Variants in GPD2 observed in about 807,000 individuals in gnomAD.
The protein encoded by GPD2 is glycerol-3-phosphate dehydrogenase 2.
GPD2 carries 54 observed loss-of-function variants against 82.4 expected under a neutral mutation model. That is an observed-to-expected ratio of 0.66 (90% CI 0.53 to 0.82). GPD2 has a LOEUF of 0.82. Among genes scored for constraint, GPD2 ranks in the 40% least tolerant of loss-of-function variants. GPD2 has a pLI of 0.00. For synonymous variants in GPD2, 288 were observed against 306.1 expected, an observed-to-expected ratio of 0.94 and a Z score of 0.62; for missense variants, 748 against 896.2, an observed-to-expected ratio of 0.83 and a Z score of 2.11.
At chr2:156,517,346 AAAAC>A (rs1476962644) in intron 6 of GPD2, among the ~76,000 whole-genome samples, 1 of 152,228 alleles carries the variant, frequency 6.6e-6, no homozygotes, top group African/African-American at 2.4e-5. Flanking sequence ...TAACCACTGA[AAAAC>A]AAATTCACAT....
intron 1 of GPD2, among the ~76,000 whole-genome samples, chr2:156,460,625 T>TC (rs1682956457): frequency 6.6e-6 from 1 of 152,122 alleles, no homozygotes. Context: ...GGGTCCAAAA[T>TC]CAGTGCAAAT....
At chr2:156,456,183 CA>C (rs1459150520) in intron 1 of GPD2, among the ~76,000 whole-genome samples, 1 of 152,146 alleles carries the variant, frequency 6.6e-6, no homozygotes, top group Non-Finnish European at 1.5e-5. Flanking sequence ...CAAAGAAATG[CA>C]AACAAATGTG....
At chr2:156,401,227 A>C in the GPD2 span, among the ~76,000 whole-genome samples, 1 of 152,304 alleles carries the variant, frequency 6.6e-6, no homozygotes, top group African/African-American at 2.4e-5. Context: ...CTTATAGCAA[A>C]TGTGCTTTTC....
chr2:156,552,430 C>T (rs1050333253), intron 8 of GPD2, among the ~76,000 whole-genome samples: 8 of 152,140 alleles, frequency 5.3e-5, no homozygotes, highest in African/African-American at 1.2e-4. Flanking sequence ...CAATTGTATA[C>T]GCTTTTGTGT....
the GPD2 span, among the ~76,000 whole-genome samples, chr2:156,423,732 T>G: frequency 6.6e-6 from 1 of 152,210 alleles, no homozygotes; most frequent in African/African-American, 2.4e-5. Flanking sequence ...CTTAAAACAG[T>G]AAAATCAGTG....
the GPD2 span, among the ~76,000 whole-genome samples, chr2:156,420,821 T>C: frequency 6.6e-6 from 1 of 152,152 alleles, no homozygotes; most frequent in Non-Finnish European, 1.5e-5. Flanking sequence ...AGTGAATGAG[T>C]TTTATATGCC....
chr2:156,424,352 A>C, the GPD2 span, among the ~76,000 whole-genome samples: 6 of 152,224 alleles, frequency 3.9e-5, no homozygotes, highest in Non-Finnish European at 8.8e-5. Flanking sequence ...TTTAATAACT[A>C]TTTTAGATCA....
chr2:156,439,061 A>G (rs1376545006), intron 1 of GPD2, among the ~76,000 whole-genome samples: 7 of 152,248 alleles, frequency 4.6e-5, no homozygotes, highest in African/African-American at 1.4e-4. Context: ...CCTTTGTTTT[A>G]GGAATGTTTG....
At chr2:156,561,897 C>T (rs1687188323) in intron 9 of GPD2, among the ~76,000 whole-genome samples, 1 of 152,158 alleles carries the variant, frequency 6.6e-6, no homozygotes, top group Non-Finnish European at 1.5e-5. Context: ...AAGCATTTTG[C>T]CTGTTGGGAA....
chr2:156,418,074 G>A, the GPD2 span, among the ~76,000 whole-genome samples: 1 of 152,030 alleles, frequency 6.6e-6, no homozygotes, highest in South Asian at 2.1e-4. Context: ...AAATAGCTGG[G>A]CATGGTGGCA....
chr2:156,407,125 T>A, the GPD2 span, among the ~76,000 whole-genome samples: 1 of 152,056 alleles, frequency 6.6e-6, no homozygotes, highest in East Asian at 1.9e-4. Context: ...GGCAGGAGAA[T>A]CTCTTGAACC....
At chr2:156,420,886 A>G in the GPD2 span, among the ~76,000 whole-genome samples, 2 of 152,364 alleles carry the variant, frequency 1.3e-5, no homozygotes, top group South Asian at 4.1e-4. Context: ...TATTCACTAT[A>G]AAAGCAGTGA....
intron 6 of GPD2, among the ~76,000 whole-genome samples, chr2:156,529,246 G>A (rs1685741113): frequency 6.6e-6 from 1 of 151,456 alleles, no homozygotes; most frequent in African/African-American, 2.4e-5. Context: ...CTTTTGAGAA[G>A]TGTCTGTTCA....
At chr2:156,437,365 G>A (rs549681961) in intron 1 of GPD2, among the ~76,000 whole-genome samples, 2 of 152,290 alleles carry the variant, frequency 1.3e-5, no homozygotes, top group Admixed American at 6.5e-5. Flanking sequence ...GCGTGTGGAC[G>A]GTGCTGGCAG....
At position 156,436,511 on chromosome 2, in the gene GPD2, C is replaced by T. The variant is rs1016134991; in HGVS notation, c.-11C>T. On this transcript the variant is annotated splice_region_variant and 5_prime_UTR_variant, in exon 1 of 17. Coordinates refer to ENST00000438166, the MANE Select transcript of GPD2 (RefSeq NM_000408.5). ...GCCCCTCGCGCGTGAGGATCTATCT[C>T]AGGTGTGTGCTTCCTGGGAGACCCC... is the stretch of plus-strand genomic sequence containing the variant. The T allele has an allele frequency of 1.3e-5, 2 of 152,380 alleles. No individual in the cohort carries two copies. The highest frequency in any genetic ancestry group is 2.9e-5 in the Non-Finnish European group (2 of 68,182). 9.4% of individuals were successfully genotyped at this position (152,380 alleles called of 1,614,324 possible). A position where few individuals can be genotyped will look rare whatever the true frequency, so the allele number is the denominator to read the frequency against.
At chr2:156,452,727 G>A (rs1311292253) in intron 1 of GPD2, among the ~76,000 whole-genome samples, 1 of 152,178 alleles carries the variant, frequency 6.6e-6, no homozygotes, top group Non-Finnish European at 1.5e-5. Context: ...GTAGAGAAGA[G>A]GAGCTGATGA....
chr2:156,552,182 A>T (rs2105337817), intron 8 of GPD2, among the ~76,000 whole-genome samples: 1 of 152,314 alleles, frequency 6.6e-6, no homozygotes, highest in African/African-American at 2.4e-5. Context: ...TGCGTTTTCA[A>T]AATGCGTATG....
In GPD2 at chr2:156,582,897, C is replaced by G. The variant is rs943020989; in HGVS notation, c.2163C>G (p.Asp721Glu). Residue 721 changes from aspartate (D) to glutamate (E), a missense_variant, in exon 17 of 17, where the codon GAC becomes GAG. Asp to Glu is a conservative substitution (Grantham distance 45, BLOSUM62 2). Transcript: ENST00000438166. ...NLDRRVPIPV[D>E]RSCGGL is the part of the protein sequence containing the mutation. ...ACAGAAGAGTTCCAATTCCAGTGGA[C>G]CGTAGTTGTGGAGGATTGTGAGTCT... 4.3e-6 allele frequency: 7 copies of G among 1,612,840 alleles called. No individual in the cohort carries two copies. The highest frequency in any genetic ancestry group is 5.9e-6 in the Non-Finnish European group (7 of 1,179,186).
the GPD2 span, among the ~76,000 whole-genome samples, chr2:156,419,049 CTTTTTTTTTTT>C: frequency 2.6e-5 from 2 of 77,200 alleles, no homozygotes; most frequent in Admixed American, 1.4e-4. Context: ...TTCTTTCCTT[CTTTTTTTTTTT>C]TTTTTTTTTT....
Sources: gnomAD v4.1 joint callset for allele counts (sites outside exome capture counted in the v4.1 genomes callset) on GRCh38, gnomAD v4.1.1 for gene constraint, MANE v1.5 for transcripts, NCBI Gene and HGNC (gene_info 2026-07-23, HGNC 2026-07-21) for gene names.